Variants in NRG2 observed in about 807,000 individuals in gnomAD.
The protein encoded by NRG2 is neuregulin 2, also known as pro-neuregulin-2, membrane-bound isoform.
In NRG2, 27 loss-of-function variants were observed where a neutral mutation model predicts 73.9. The observed-to-expected ratio is 0.37, with a 90% CI of 0.27 to 0.50. NRG2 has a LOEUF of 0.50. NRG2 is among the 20% of genes least tolerant of loss of function. NRG2 has a pLI of 0.96. For synonymous variants in NRG2, 532 were observed against 541.0 expected (o/e 0.98, Z 0.23); for missense variants, 1,126 against 1,210.1 (o/e 0.93, Z 1.03).
intron 1 of NRG2, among the ~76,000 whole-genome samples, chr5:139,979,044 C>A (rs1052760933): frequency 3.1e-5 from 4 of 129,330 alleles, no homozygotes; most frequent in Non-Finnish European, 6.1e-5. Flanking sequence ...AATGAGAATA[C>A]AAGGACACAG....
At position 139,870,411 on chromosome 5, in the gene NRG2, C is replaced by T. The variant is rs1762764829; in HGVS notation, c.1112+1310G>A. ...AGGAGGCCAGCCGGGGCAAGAGCCC[C>T]TCGTTACCATGTTGTTAGGTGGAGG... On this transcript the variant is annotated intron_variant, in intron 4 of 9. Coordinates refer to ENST00000361474, the MANE Select transcript of NRG2 (RefSeq NM_004883.3). This position sits in a 1 kb window ranked among gnomAD's most constrained non-coding sequence, Gnocchi z 4.4. Among the ~76,000 whole-genome samples, 1 of 152,134 alleles carries T rather than the reference C, an allele frequency of 6.6e-6. No individual in the cohort carries two copies. The highest frequency in any genetic ancestry group is 1.5e-5 in the Non-Finnish European group (1 of 68,006).
At chr5:139,962,143 T>C (rs2126503598) in intron 1 of NRG2, among the ~76,000 whole-genome samples, 1 of 152,130 alleles carries the variant, frequency 6.6e-6, no homozygotes, top group Non-Finnish European at 1.5e-5. Flanking sequence ...TTTTCCCCTC[T>C]CCTCTTTCCC....
intron 1 of NRG2, among the ~76,000 whole-genome samples, chr5:140,037,850 G>A (rs1036511503): frequency 1.4e-5 from 2 of 145,102 alleles, no homozygotes; most frequent in Non-Finnish European, 3.0e-5. Flanking sequence ...GGAGGTTGCA[G>A]TGAGCTGAGA....
chr5:139,855,833 T>C (rs749308293), intron 5 of NRG2, 55 bp from the exon 6 acceptor site: 2 of 1,415,464 alleles, frequency 1.4e-6, no homozygotes, highest in South Asian at 2.3e-5. Flanking sequence ...CCCATAGGGA[T>C]AGTGGTGCAG....
chr5:140,032,102 A>G (rs548362998), intron 1 of NRG2, among the ~76,000 whole-genome samples: 1 of 152,310 alleles, frequency 6.6e-6, no homozygotes, highest in Admixed American at 6.5e-5. Flanking sequence ...CTAATTCGTG[A>G]TCTCAGCTTA....
chr5:139,878,476 G>A (rs1763323874), intron 3 of NRG2, among the ~76,000 whole-genome samples: 1 of 152,140 alleles, frequency 6.6e-6, no homozygotes. Flanking sequence ...CCCCAAACAT[G>A]AGAGAGGCCC....
intron 1 of NRG2, among the ~76,000 whole-genome samples, chr5:139,903,416 C>T (rs576918512): frequency 1.3e-5 from 2 of 152,356 alleles, no homozygotes; most frequent in South Asian, 4.1e-4. Context: ...TCGTACAAAA[C>T]ACATAAAATT....
chr5:139,966,413 G>A (rs1755521148), intron 1 of NRG2, among the ~76,000 whole-genome samples: 2 of 152,152 alleles, frequency 1.3e-5, no homozygotes, highest in South Asian at 4.1e-4. Context: ...CTTTGGTAAG[G>A]AAGGGATATT....
chr5:139,970,252 T>G (rs1755867043), intron 1 of NRG2, among the ~76,000 whole-genome samples: 1 of 152,104 alleles, frequency 6.6e-6, no homozygotes, highest in African/African-American at 2.4e-5. Context: ...TTAGAGCACT[T>G]GAACAACAAC....
At chr5:139,999,514 G>T (rs1758272915) in intron 1 of NRG2, among the ~76,000 whole-genome samples, 1 of 152,166 alleles carries the variant, frequency 6.6e-6, no homozygotes, top group South Asian at 2.1e-4. Context: ...GGCCTGCATT[G>T]CCCTATCCAG....
intron 1 of NRG2, among the ~76,000 whole-genome samples, chr5:139,959,877 C>A (rs937750793): frequency 6.6e-6 from 1 of 152,208 alleles, no homozygotes; most frequent in African/African-American, 2.4e-5. Context: ...ACTGTGCTAG[C>A]CACTACCAAG....
intron 1 of NRG2, among the ~76,000 whole-genome samples, chr5:139,940,555 TA>T (rs1224670943): frequency 2.0e-5 from 3 of 152,204 alleles, no homozygotes; most frequent in Non-Finnish European, 4.4e-5. Flanking sequence ...TCTCAATTTT[TA>T]AAAATGAGGC....
intron 3 of NRG2, among the ~76,000 whole-genome samples, chr5:139,872,294 C>T (rs758246508): frequency 3.3e-5 from 5 of 152,194 alleles, no homozygotes; most frequent in African/African-American, 1.2e-4. Context: ...GGCTTGGGCT[C>T]TCATGGTGGA....
At chr5:139,976,759 C>A (rs1223474516) in intron 1 of NRG2, among the ~76,000 whole-genome samples, 1 of 152,208 alleles carries the variant, frequency 6.6e-6, no homozygotes, top group Non-Finnish European at 1.5e-5. Flanking sequence ...AGCTTAGACC[C>A]TAGGGGTAGG....
chr5:139,978,468 G>T (rs948403357), intron 1 of NRG2, among the ~76,000 whole-genome samples: 2 of 152,186 alleles, frequency 1.3e-5, no homozygotes, highest in Non-Finnish European at 2.9e-5. Context: ...AGGATGTGGA[G>T]AAATAGGAAC....
In NRG2 at chr5:139,908,706, TAG is replaced by T. The variant is rs1765403918; in HGVS notation, c.701-21197_701-21196del. 2.0e-5 allele frequency among the ~76,000 whole-genome samples: 3 copies of T among 151,736 alleles called. No individual in the cohort carries two copies. In the South Asian group the frequency reaches 6.3e-4, roughly 32 times the overall value. ...CAAGAAGATAGGAGATGAGAGAGAG[TAG>T]AGAAAGCCCTCACCCCTCAAGCCTA... On this transcript the variant is annotated intron_variant, in intron 1 of 9. Transcript: ENST00000361474.
At position 139,951,624 on chromosome 5, in the gene NRG2, C is replaced by T. The variant is rs143012697; in HGVS notation, c.701-64113G>A. ...CTGTCCCACAGCCATGGAAAGCTCC[C>T]AAGTTCCCCAGAGATGCCTCCTTGG... is the stretch of plus-strand genomic sequence containing the variant. On this transcript the variant is annotated intron_variant, in intron 1 of 9. Coordinates refer to ENST00000361474, the MANE Select transcript of NRG2 (RefSeq NM_004883.3). Among the ~76,000 whole-genome samples, 524 of 152,330 alleles carry T rather than the reference C, an allele frequency of 3.4e-3. 4 individuals are homozygous for T. The highest frequency in any genetic ancestry group is 0.012 in the African/African-American group (493 of 41,574).
chr5:140,039,464 A>G (rs1025160870), intron 1 of NRG2, among the ~76,000 whole-genome samples: 1 of 152,196 alleles, frequency 6.6e-6, no homozygotes, highest in African/African-American at 2.4e-5. Flanking sequence ...TTTCTGGATA[A>G]ATGATACACA....
intron 2 of NRG2, among the ~76,000 whole-genome samples, chr5:139,882,020 C>T (rs902420529): frequency 3.9e-5 from 6 of 152,154 alleles, no homozygotes; most frequent in Admixed American, 3.9e-4. Context: ...CCAGGCTGGC[C>T]CCCAGGAGGA....
Sources: gnomAD v4.1 joint callset for allele counts (sites outside exome capture counted in the v4.1 genomes callset) on GRCh38, gnomAD v4.1.1 for gene constraint, Gnocchi (gnomAD v3.1) non-coding constraint, MANE v1.5 for transcripts, NCBI Gene and HGNC (gene_info 2026-07-23, HGNC 2026-07-21) for gene names.